FBXW2: variants seen among roughly 807,000 people sequenced by gnomAD.
FBXW2 encodes F-box/WD repeat-containing protein 2.
A neutral mutation model predicts 46.0 loss-of-function variants in FBXW2; 12 were observed. The observed-to-expected ratio is 0.26, with a 90% CI of 0.17 to 0.42. FBXW2 has a LOEUF of 0.42. Among genes scored for constraint, FBXW2 ranks in the 10% least tolerant of loss-of-function variants. FBXW2 has a pLI of 1.00. For missense variants in FBXW2, 360 were observed against 537.0 expected (o/e 0.67, Z 3.26); for synonymous variants, 203 against 209.6 (o/e 0.97, Z 0.27).
At chr9:120,780,958 T>C (rs188179040) in intron 3 of FBXW2, among the ~76,000 whole-genome samples, 194 of 152,226 alleles carry the variant, frequency 1.3e-3, no homozygotes, top group African/African-American at 3.5e-3. Context: ...ACTGGCATGA[T>C]TGGTTCTTCA....
intron 2 of FBXW2, chr9:120,792,830 A>G: frequency 7.4e-7 from 1 of 1,349,332 alleles, no homozygotes; most frequent in Non-Finnish European, 9.9e-7. Context: ...TACCATTATT[A>G]CTTAGCATTA....
rs894166259 is a variant in FBXW2, at chr9:120,789,736, T to C, written c.-20-1458A>G. On this transcript the variant is annotated intron_variant, in intron 2 of 7. Transcript: ENST00000608872. Reference sequence around the variant, plus strand: ...AAAAGCAAGATCTCATCTTTCAACTTTGATAATGTAAGGTGAGTAAAATTG... The same window carrying C: ...AAAAGCAAGATCTCATCTTTCAACTCTGATAATGTAAGGTGAGTAAAATTG... Among the ~76,000 whole-genome samples the C allele has an allele frequency of 3.9e-5, 6 of 152,330 alleles. No homozygotes were observed. The South Asian group carries it at 1.0e-3, about 26-fold the overall frequency.
rs2044216677 is a variant in FBXW2, at chr9:120,762,812, A to T, written c.*1747T>A. 1 of 152,230 alleles carries T rather than the reference A, an allele frequency of 6.6e-6. No homozygotes were observed. The highest frequency in any genetic ancestry group is 1.5e-5 in the Non-Finnish European group (1 of 68,044). The allele number at this position is 152,230 out of a possible 1,614,324, so 9.4% of individuals were successfully genotyped here. ...AGACATAAGCTGTCACTGAGGTTCC[A>T]ATTCTTATGTTCATCTTCAAACTAC... On this transcript the variant is annotated 3_prime_UTR_variant, in exon 8 of 8. Transcript: ENST00000608872.
intron 3 of FBXW2, 148 bp downstream of exon 3, chr9:120,787,621 G>C (rs1331885800): frequency 1.4e-6 from 1 of 715,654 alleles, no homozygotes; most frequent in Non-Finnish European, 2.2e-6. Flanking sequence ...AGGATAAGGG[G>C]GGGGAACCAC....
rs779637026 is a variant in FBXW2, at chr9:120,772,886, C to T, written c.820-46G>A. 3.2e-6 allele frequency: 4 copies of T among 1,258,254 alleles called. No homozygotes were observed. The South Asian group carries it at 3.8e-5, about 12-fold the overall frequency. The allele number at this position is 1,258,254 out of a possible 1,614,324, so 77.9% of individuals were successfully genotyped here. ...ACGGAAAGATCCTTTTAATGCTGCT[C>T]CTATAATGATTTTATTCTTTAAATT... On this transcript the variant is annotated intron_variant, in intron 5 of 7. Transcript: ENST00000608872.
rs1446102639 is a variant in FBXW2 at position 120,768,914 on chromosome 9, T to C, written c.1076+2434A>G. Among the ~76,000 whole-genome samples the C allele has an allele frequency of 6.6e-5, 10 of 152,108 alleles. No individual in the cohort carries two copies. In the East Asian group the frequency reaches 1.7e-3, roughly 26 times the overall value. Reference sequence around the variant, plus strand: ...CCACATCATAACAGAACACAAAAAATAGGTGGCTACCGGGTTAGGGCTCAA... The same window carrying C: ...CCACATCATAACAGAACACAAAAAACAGGTGGCTACCGGGTTAGGGCTCAA... On this transcript the variant is annotated intron_variant, in intron 7 of 7. Transcript: ENST00000608872.
rs1588017372 is a variant in FBXW2 at position 120,759,356 on chromosome 9, T to C, written c.*5203A>G. 6 of 152,210 alleles carry C rather than the reference T, an allele frequency of 3.9e-5. No individual in the cohort carries two copies. The highest frequency in any genetic ancestry group is 3.3e-4 in the Admixed American group (5 of 15,282). The allele number at this position is 152,210 out of a possible 1,614,324, so 9.4% of individuals were successfully genotyped here. A position where few individuals can be genotyped will look rare whatever the true frequency, so the allele number is the denominator to read the frequency against. On this transcript the variant is annotated 3_prime_UTR_variant, in exon 8 of 8. Transcript: ENST00000608872. Reference sequence around the variant, plus strand: ...ACGGGTAAAAAGAGTGCTTCTATGATGCAAGAAAATAACTTCTCATCTTAG... The same window carrying C: ...ACGGGTAAAAAGAGTGCTTCTATGACGCAAGAAAATAACTTCTCATCTTAG...
intron 2 of FBXW2, chr9:120,792,849 A>G: frequency 6.9e-7 from 1 of 1,440,606 alleles, no homozygotes; most frequent in Non-Finnish European, 9.2e-7. Context: ...TAATATTGTT[A>G]TCTTTGCTTT....
intron 2 of FBXW2, 85 bp downstream of exon 2, chr9:120,793,064 C>T: frequency 9.9e-7 from 1 of 1,007,152 alleles, no homozygotes; most frequent in Middle Eastern, 2.0e-4. Context: ...ACCCTGTTTT[C>T]CCGTCTCTAA....
At chr9:120,786,069 G>A (rs925076880) in intron 3 of FBXW2, among the ~76,000 whole-genome samples, 1 of 147,092 alleles carries the variant, frequency 6.8e-6, no homozygotes, top group Non-Finnish European at 1.5e-5. Flanking sequence ...TCATACTTCT[G>A]TATCTGGTGA....
At chr9:120,787,617 A>AGG (rs201064636) in intron 3 of FBXW2, 152 bp downstream of exon 3, 3 of 673,296 alleles carry the variant, frequency 4.5e-6, no homozygotes, top group African/African-American at 3.7e-5. Context: ...GAAGAGGATA[A>AGG]GGGGGGGGAA....
At chr9:120,778,893 T>C (rs1034868913) in intron 3 of FBXW2, among the ~76,000 whole-genome samples, 2 of 152,202 alleles carry the variant, frequency 1.3e-5, no homozygotes, top group Non-Finnish European at 2.9e-5. Context: ...TTCAAATAAA[T>C]AGGTATTACA....
intron 7 of FBXW2, among the ~76,000 whole-genome samples, chr9:120,766,127 A>G (rs1331669958): frequency 6.6e-6 from 1 of 152,178 alleles, no homozygotes; most frequent in Non-Finnish European, 1.5e-5. Context: ...GGACACCACC[A>G]AACTAGTATA....
chr9:120,780,206 A>T (rs1167108604), intron 3 of FBXW2, among the ~76,000 whole-genome samples: 2 of 151,940 alleles, frequency 1.3e-5, no homozygotes, highest in Non-Finnish European at 2.9e-5. Flanking sequence ...AAAAATACAA[A>T]AATTAGCCAG....
chr9:120,788,988 A>G lies in FBXW2; in HGVS notation c.-20-710T>C, dbSNP rs188857126. ...GCTTTAGTCTGTTTTTCTAAACCTCATATGAGCTAGTGACAACTCTTAACC... is the reference window on the plus strand; with the variant it reads ...GCTTTAGTCTGTTTTTCTAAACCTCGTATGAGCTAGTGACAACTCTTAACC... On this transcript the variant is annotated intron_variant, in intron 2 of 7. Coordinates refer to ENST00000608872, the MANE Select transcript of FBXW2 (RefSeq NM_012164.4). Among the ~76,000 whole-genome samples the G allele has an allele frequency of 2.7e-4, 41 of 152,208 alleles. 1 individual carries two copies. The highest frequency in any genetic ancestry group is 2.6e-3 in the Admixed American group (39 of 15,284).
intron 2 of FBXW2, among the ~76,000 whole-genome samples, chr9:120,791,860 A>G (rs184043705): frequency 6.6e-5 from 10 of 152,062 alleles, no homozygotes; most frequent in Admixed American, 2.0e-4. Context: ...TTAACATTCA[A>G]CTTGCCCTCT....
At chr9:120,787,276 G>A (rs2044742743) in intron 3 of FBXW2, among the ~76,000 whole-genome samples, 1 of 152,098 alleles carries the variant, frequency 6.6e-6, no homozygotes, top group Non-Finnish European at 1.5e-5. Context: ...CAATCCACCC[G>A]CCTCGGCTTC....
intron 3 of FBXW2, among the ~76,000 whole-genome samples, chr9:120,785,851 C>T (rs1218625234): frequency 6.6e-6 from 1 of 151,520 alleles, no homozygotes; most frequent in African/African-American, 2.4e-5. Flanking sequence ...GAAACTCCGC[C>T]TCTACTAAAA....
chr9:120,771,296 T>C, intron 7 of FBXW2, 52 bp downstream of exon 7: 1 of 1,534,608 alleles, frequency 6.5e-7, no homozygotes. Context: ...TCTTTACTAC[T>C]GAACTGCAGC....
Sources: allele counts gnomAD v4.1 joint callset (sites outside exome capture counted in the v4.1 genomes callset), GRCh38; gene constraint gnomAD v4.1.1; transcripts MANE v1.5; gene names NCBI Gene and HGNC (gene_info 2026-07-23, HGNC 2026-07-21).